Variants in SIAH1 observed in about 807,000 individuals in gnomAD.
The protein encoded by SIAH1 is E3 ubiquitin-protein ligase SIAH1.
A neutral mutation model predicts 20.0 loss-of-function variants in SIAH1; 2 were observed. The ratio of observed to expected loss-of-function variants is 0.10; its 90% CI spans 0.04 to 0.31. SIAH1 has a LOEUF of 0.31. SIAH1 is among the 10% of genes least tolerant of loss of function. The probability of loss-of-function intolerance (pLI) is 1.00; values close to 1 mark genes in which losing one functional copy is unlikely to be tolerated. For synonymous variants in SIAH1, 118 were observed against 125.3 expected (o/e 0.94, Z 0.39); for missense variants, 119 against 355.3 (o/e 0.33, Z 5.35).
At chr16:48,368,176 A>G (rs995199707) in intron 1 of SIAH1, among the ~76,000 whole-genome samples, 9 of 152,372 alleles carry the variant, frequency 5.9e-5, no homozygotes, top group African/African-American at 2.2e-4. Context: ...AAATGAAGTT[A>G]CAAATAGAAC....
At chr16:48,369,554 T>G (rs1567371583) in intron 1 of SIAH1, among the ~76,000 whole-genome samples, 1 of 151,902 alleles carries the variant, frequency 6.6e-6, no homozygotes, top group African/African-American at 2.4e-5. Context: ...GCCTAGGCAA[T>G]ATACTGAGAC....
Position 48,380,769 on chromosome 16 carries a change from A to G in SIAH1, c.-3+4435T>C, listed in dbSNP as rs1302389960. Among the ~76,000 whole-genome samples the G allele has an allele frequency of 4.0e-5, 6 of 151,858 alleles. No individual in the cohort carries two copies. The South Asian group carries it at 1.3e-3, about 32-fold the overall frequency. ...CAAAACCCCGTCTCTACTAAAAGTAAAAAGAAAAATTAGCCGGGCGTGGTG... is the reference window on the plus strand; with the variant it reads ...CAAAACCCCGTCTCTACTAAAAGTAGAAAGAAAAATTAGCCGGGCGTGGTG... On this transcript the variant is annotated intron_variant, in intron 1 of 1. Coordinates refer to ENST00000394725, the MANE Select transcript of SIAH1 (RefSeq NM_003031.4).
chr16:48,360,889 G>T lies in SIAH1; in HGVS notation c.*691C>A, dbSNP rs902638758. 3 of 151,990 alleles carry T rather than the reference G, an allele frequency of 2.0e-5. No individual in the cohort carries two copies. Among genetic ancestry groups the T allele is most frequent in the Non-Finnish European group, 4.4e-5 (3 of 67,996 alleles). The allele number at this position is 151,990 out of a possible 1,614,324, so 9.4% of individuals were successfully genotyped here. A position where few individuals can be genotyped will look rare whatever the true frequency, so the allele number is the denominator to read the frequency against. On this transcript the variant is annotated 3_prime_UTR_variant, in exon 2 of 2. Transcript: ENST00000394725. ...TTTCCGATGTCACCTTTACTTTCTG[G>T]AACTCATGGCTTCACAAAATAGCTG...
chr16:48,367,163 G>A (rs1960864004), intron 1 of SIAH1, among the ~76,000 whole-genome samples: 1 of 152,194 alleles, frequency 6.6e-6, no homozygotes, highest in Non-Finnish European at 1.5e-5. Flanking sequence ...GCCTCCCAAA[G>A]TGCTGAGCCA....
intron 1 of SIAH1, among the ~76,000 whole-genome samples, chr16:48,378,129 A>T (rs1026160823): frequency 6.6e-5 from 10 of 152,320 alleles, no homozygotes; most frequent in Admixed American, 5.2e-4. Flanking sequence ...AGGCAGGCAG[A>T]TCACCTGAGG....
At chr16:48,385,460 C>G (rs1961434560), upstream of SIAH1, 1 of 150,192 alleles carries the variant, frequency 6.7e-6, no homozygotes, top group Non-Finnish European at 1.5e-5. Flanking sequence ...GCGGCGGCGG[C>G]CATGAGGAGG....
Position 48,379,408 on chromosome 16 carries a change from C to T in SIAH1, c.-3+5796G>A, listed in dbSNP as rs1273176028. Among the ~76,000 whole-genome samples the T allele has an allele frequency of 2.0e-5, 3 of 152,094 alleles. No individual in the cohort carries two copies. The East Asian group carries it at 5.8e-4, about 29-fold the overall frequency. On this transcript the variant is annotated intron_variant, in intron 1 of 1. Transcript: ENST00000394725. Reference sequence around the variant, plus strand: ...GGCACAGAGATGCTAAAGCAGTGTTCAAGGAACAAAAGAACCCAGTTGGCC... The same window carrying T: ...GGCACAGAGATGCTAAAGCAGTGTTTAAGGAACAAAAGAACCCAGTTGGCC...
At chr16:48,370,508 TCCCCAC>T (rs1191461586) in intron 1 of SIAH1, among the ~76,000 whole-genome samples, 1 of 152,132 alleles carries the variant, frequency 6.6e-6, no homozygotes, top group Admixed American at 6.5e-5. Context: ...TAGACATTTA[TCCCCAC>T]CTTACTTAAG....
chr16:48,383,977 A>AT (rs1339980559), intron 1 of SIAH1, among the ~76,000 whole-genome samples: 1 of 152,210 alleles, frequency 6.6e-6, no homozygotes, highest in East Asian at 1.9e-4. Context: ...CATCTCATCA[A>AT]TTCTCAACAG....
rs1275660725 is a variant in SIAH1, at chr16:48,362,625, C to T, written c.-2-195G>A. 8.6e-6 allele frequency: 5 copies of T among 582,824 alleles called. No individual in the cohort carries two copies. Among genetic ancestry groups the T allele is most frequent in the Non-Finnish European group, 1.5e-5 (5 of 327,234 alleles). 36.1% of individuals were successfully genotyped at this position (582,824 alleles called of 1,614,324 possible). Reference sequence around the variant, plus strand: ...AATGTGCACTTTATTAGGATCTGTACACTGGATAAGCTCTCTTTTCAAAAT... The same window carrying T: ...AATGTGCACTTTATTAGGATCTGTATACTGGATAAGCTCTCTTTTCAAAAT... On this transcript the variant is annotated intron_variant, in intron 1 of 1. Transcript: ENST00000394725. This position sits in a 1 kb window ranked among gnomAD's most constrained non-coding sequence, Gnocchi z 4.2.
intron 1 of SIAH1, chr16:48,364,795 G>A (rs1297820052): frequency 6.6e-6 from 1 of 152,502 alleles, no homozygotes; most frequent in African/African-American, 2.4e-5. Context: ...AAACAGTCTA[G>A]TCAACCAATG....
rs1189007033 is a variant in SIAH1 at position 48,381,904 on chromosome 16, G to A, written c.-3+3300C>T. ...TGTAGGTTCCTCAATTGTAACAAAC[G>A]TACCACTTTGGCGGGGAATGTTGAT... On this transcript the variant is annotated intron_variant, in intron 1 of 1. Coordinates refer to ENST00000394725, the MANE Select transcript of SIAH1 (RefSeq NM_003031.4). 4.6e-5 allele frequency among the ~76,000 whole-genome samples: 7 copies of A among 152,258 alleles called. No individual in the cohort carries two copies. The East Asian group carries it at 1.3e-3, about 29-fold the overall frequency.
chr16:48,365,983 C>CT, intron 1 of SIAH1: 1 of 1,032,170 alleles, frequency 9.7e-7, no homozygotes, highest in Non-Finnish European at 1.2e-6. Flanking sequence ...AGGGCCAGTT[C>CT]AGGGCGCGCG....
chr16:48,382,549 AAT>A (rs1961326123), intron 1 of SIAH1, among the ~76,000 whole-genome samples: 1 of 152,222 alleles, frequency 6.6e-6, no homozygotes, highest in Non-Finnish European at 1.5e-5. Context: ...ATGGGAACTA[AAT>A]CATTTAAAGT....
rs143808262 is a variant in SIAH1 at position 48,367,359 on chromosome 16, G to C, written c.-2-4929C>G. Among the ~76,000 whole-genome samples the C allele has an allele frequency of 2.3e-3, 351 of 152,268 alleles. 1 individual carries two copies. Among genetic ancestry groups the C allele is most frequent in the African/African-American group, 7.9e-3 (329 of 41,534 alleles). On this transcript the variant is annotated intron_variant, in intron 1 of 1. Coordinates refer to ENST00000394725, the MANE Select transcript of SIAH1 (RefSeq NM_003031.4). ...CTGTTTACCAAACTCCAAAAGATCT[G>C]TACAGAGCCTTACAGCACACTCTGA...
upstream of SIAH1, among the ~76,000 whole-genome samples, chr16:48,386,368 G>A (rs1325603152): frequency 1.3e-5 from 2 of 152,120 alleles, no homozygotes; most frequent in Non-Finnish European, 2.9e-5. Context: ...TTAGCCGGGC[G>A]TGGTGGTGCA....
At chr16:48,384,791 C>T (rs969708548) in intron 1 of SIAH1, among the ~76,000 whole-genome samples, 6 of 150,642 alleles carry the variant, frequency 4.0e-5, no homozygotes, top group Non-Finnish European at 8.9e-5. Context: ...CCATGTTGGC[C>T]GCACACCCCG....
At chr16:48,386,741 A>C (rs1597038680), upstream of SIAH1, among the ~76,000 whole-genome samples, 1 of 152,252 alleles carries the variant, frequency 6.6e-6, no homozygotes, top group East Asian at 1.9e-4. Flanking sequence ...ATTTTTACAG[A>C]CTATGTGCTT....
chr16:48,383,528 CATAG>C (rs1056486032), intron 1 of SIAH1, among the ~76,000 whole-genome samples: 1 of 152,180 alleles, frequency 6.6e-6, no homozygotes, highest in African/African-American at 2.4e-5. Context: ...ATGGTAACAC[CATAG>C]ATACACACTC....
Sources: allele counts gnomAD v4.1 joint callset (sites outside exome capture counted in the v4.1 genomes callset), GRCh38; gene constraint gnomAD v4.1.1; non-coding constraint Gnocchi (gnomAD v3.1); transcripts MANE v1.5; gene names NCBI Gene and HGNC (gene_info 2026-07-23, HGNC 2026-07-21).